The following STARD13 variants were observed in gnomAD, a reference collection of about 807,000 sequenced individuals.
STARD13 encodes the protein StAR related lipid transfer domain containing 13.
In STARD13, 62 loss-of-function variants were observed where a neutral mutation model predicts 106.4. That is an observed-to-expected ratio of 0.58 (90% CI 0.48 to 0.72). The LOEUF (loss-of-function observed/expected upper bound fraction) is 0.72. Among genes scored for constraint, STARD13 ranks in the 30% least tolerant of loss-of-function variants. The pLI, the probability that STARD13 is intolerant of heterozygous loss-of-function variation, is 0.00. For synonymous variants in STARD13, 565 were observed against 553.0 expected (o/e 1.02, Z -0.31); for missense variants, 1,387 against 1,424.0 (o/e 0.97, Z 0.42).
upstream of STARD13, among the ~76,000 whole-genome samples, chr13:33,286,843 A>AGT (rs1416528870): frequency 2.6e-5 from 4 of 151,644 alleles, no homozygotes; most frequent in Non-Finnish European, 5.9e-5. Flanking sequence ...GCCATATCTG[A>AGT]GTGTGTGTGT....
the STARD13 span, among the ~76,000 whole-genome samples, chr13:33,471,708 G>A: frequency 6.7e-6 from 1 of 149,900 alleles, no homozygotes; most frequent in Non-Finnish European, 1.5e-5. Context: ...CTGCAATGCA[G>A]ACAAACATAT....
intron 1 of STARD13, among the ~76,000 whole-genome samples, chr13:33,247,568 T>C (rs1366757466): frequency 6.6e-6 from 1 of 152,156 alleles, no homozygotes; most frequent in Non-Finnish European, 1.5e-5. Flanking sequence ...ATTTCTATCA[T>C]ATATTTTTGC....
exon 1 of STARD13, chr13:33,350,474 A>C: frequency 6.7e-7 from 1 of 1,487,844 alleles, no homozygotes; most frequent in Non-Finnish European, 8.9e-7. Flanking sequence ...GTGGCCCGCG[A>C]CTCAGACTCC....
the STARD13 span, among the ~76,000 whole-genome samples, chr13:33,499,535 TTC>T: frequency 0.04 from 1,939 of 47,938 alleles, 114 homozygotes; most frequent in Middle Eastern, 0.1. Context: ...CTTCTTCTTC[TTC>T]TTCTTCTTCT....
upstream of STARD13, among the ~76,000 whole-genome samples, chr13:33,353,431 C>T (rs1420888262): frequency 6.6e-6 from 1 of 152,166 alleles, no homozygotes; most frequent in Non-Finnish European, 1.5e-5. Flanking sequence ...AGGCTTGTCT[C>T]GTGGCTGTCA....
chr13:33,506,123 T>A, the STARD13 span, among the ~76,000 whole-genome samples: 1 of 152,152 alleles, frequency 6.6e-6, no homozygotes, highest in Non-Finnish European at 1.5e-5. Flanking sequence ...AGGTTATTGA[T>A]GAAGCAGTAA....
intron 4 of STARD13, among the ~76,000 whole-genome samples, chr13:33,134,116 C>T (rs1417756849): frequency 1.3e-5 from 2 of 152,174 alleles, no homozygotes; most frequent in Non-Finnish European, 2.9e-5. Flanking sequence ...AGAATTTCAG[C>T]AACACAACTG....
At chr13:33,457,892 A>G in the STARD13 span, among the ~76,000 whole-genome samples, 1 of 152,196 alleles carries the variant, frequency 6.6e-6, no homozygotes, top group African/African-American at 2.4e-5. Context: ...AGCATTTGGT[A>G]TATAGCAGTA....
intron 3 of STARD13, among the ~76,000 whole-genome samples, chr13:33,142,660 C>T (rs1879993667): frequency 6.6e-6 from 1 of 152,180 alleles, no homozygotes; most frequent in African/African-American, 2.4e-5. Context: ...GAATCCATGG[C>T]TGATCATTTT....
chr13:33,252,165 C>T (rs1402945986), intron 1 of STARD13, among the ~76,000 whole-genome samples: 3 of 152,144 alleles, frequency 2.0e-5, no homozygotes, highest in Admixed American at 6.5e-5. Flanking sequence ...TATGATGTAT[C>T]CAAAATTGTG....
intron 1 of STARD13, among the ~76,000 whole-genome samples, chr13:33,245,967 A>G (rs1008910835): frequency 5.3e-5 from 8 of 152,222 alleles, no homozygotes; most frequent in Non-Finnish European, 1.2e-4. Flanking sequence ...CAGAAGAATG[A>G]TATAGCCTAA....
chr13:33,212,675 A>G (rs896303348), intron 1 of STARD13, among the ~76,000 whole-genome samples: 12 of 152,184 alleles, frequency 7.9e-5, no homozygotes, highest in African/African-American at 2.7e-4. Flanking sequence ...CTCCAACTCA[A>G]TTTCACTCGC....
the STARD13 span, among the ~76,000 whole-genome samples, chr13:33,520,853 T>C: frequency 6.6e-6 from 1 of 152,066 alleles, no homozygotes; most frequent in African/African-American, 2.4e-5. Context: ...ATAGCTAAAG[T>C]ACAGGCTTTT....
intron 1 of STARD13, among the ~76,000 whole-genome samples, chr13:33,269,344 A>G (rs1257323079): frequency 6.6e-6 from 1 of 152,214 alleles, no homozygotes; most frequent in African/African-American, 2.4e-5. Context: ...CTTTCACCCT[A>G]CTTTCCTAAG....
chr13:33,217,302 T>C (rs1322291054), intron 1 of STARD13, among the ~76,000 whole-genome samples: 1 of 152,214 alleles, frequency 6.6e-6, no homozygotes, highest in Non-Finnish European at 1.5e-5. Context: ...ACATGCCACT[T>C]GGGGATGAGT....
At chr13:33,132,590 C>A (rs1878474680) in intron 4 of STARD13, among the ~76,000 whole-genome samples, 1 of 152,140 alleles carries the variant, frequency 6.6e-6, no homozygotes, top group African/African-American at 2.4e-5. Context: ...GTGGCTCACG[C>A]CTGTAATCTC....
At chr13:33,257,888 T>C (rs1339622083) in intron 1 of STARD13, among the ~76,000 whole-genome samples, 3 of 152,238 alleles carry the variant, frequency 2.0e-5, no homozygotes, top group African/African-American at 7.2e-5. Flanking sequence ...TGTAAATATA[T>C]TTTCAATTTG....
the STARD13 span, among the ~76,000 whole-genome samples, chr13:33,369,823 C>T: frequency 5.9e-5 from 9 of 152,194 alleles, no homozygotes; most frequent in African/African-American, 2.2e-4. Flanking sequence ...CTCACAGTTG[C>T]CCCTCAGTAA....
the STARD13 span, among the ~76,000 whole-genome samples, chr13:33,592,380 T>G: frequency 6.6e-6 from 1 of 152,238 alleles, no homozygotes; most frequent in Non-Finnish European, 1.5e-5. Context: ...ACAGGTTATT[T>G]CAGACCTGAG....
Sources: gnomAD v4.1 joint callset for allele counts (sites outside exome capture counted in the v4.1 genomes callset) on GRCh38, gnomAD v4.1.1 for gene constraint, MANE v1.5 for transcripts, NCBI Gene and HGNC (gene_info 2026-07-23, HGNC 2026-07-21) for gene names.